Variants in STK33 observed in about 807,000 individuals in gnomAD.
STK33 encodes the protein serine/threonine-protein kinase 33.
In STK33, 52 loss-of-function variants were observed where a neutral mutation model predicts 58.0. That is an observed-to-expected ratio of 0.90 (90% CI 0.72 to 1.13). The LOEUF is 1.13. Among genes scored for constraint, STK33 ranks in the 50% most tolerant of loss-of-function variants. The pLI is 0.00. For missense variants in STK33, 630 were observed against 604.2 expected (o/e 1.04, Z -0.45); for synonymous variants, 215 against 200.1 (o/e 1.07, Z -0.63).
At chr11:8,398,517 G>T (rs1849781394) in intron 15 of STK33, among the ~76,000 whole-genome samples, 2 of 152,142 alleles carry the variant, frequency 1.3e-5, no homozygotes. Context: ...ATGCCAAATT[G>T]TAAAGACCAT....
At chr11:8,356,464 T>A in the STK33 span, among the ~76,000 whole-genome samples, 1 of 151,054 alleles carries the variant, frequency 6.6e-6, no homozygotes, top group Admixed American at 6.6e-5. Flanking sequence ...CATCCTTTCC[T>A]GCGGACAGTG....
At chr11:8,542,717 ATTTAGTTTGCACTTTTTTT>A (rs1435332433) in intron 1 of STK33, among the ~76,000 whole-genome samples, 1 of 151,388 alleles carries the variant, frequency 6.6e-6, no homozygotes, top group East Asian at 2.0e-4. Flanking sequence ...AAATGAAAAG[ATTTAGTTTGCACTTTTTTT>A]TTAAGACACT....
rs188381692 is a variant in STK33 at position 8,478,124 on chromosome 11, T to C, written c.-260-841A>G. Among the ~76,000 whole-genome samples the C allele has an allele frequency of 4.5e-3, 682 of 152,312 alleles. 2 individuals carry two copies. The highest frequency in any genetic ancestry group is 7.7e-3 in the Non-Finnish European group (521 of 67,996). On this transcript the variant is annotated intron_variant, in intron 2 of 15. Coordinates refer to ENST00000687296, the MANE Select transcript of STK33 (RefSeq NM_001352389.2). ...CATTTATTTCTTTCTCATTTACGAA[T>C]TGATCTGAAAGATTTGTTACTAAAA...
chr11:8,520,878 A>G (rs1458864878), intron 1 of STK33, among the ~76,000 whole-genome samples: 1 of 152,182 alleles, frequency 6.6e-6, no homozygotes, highest in Admixed American at 6.5e-5. Context: ...TTCTATGCTC[A>G]TGGATAGGAA....
the STK33 span, among the ~76,000 whole-genome samples, chr11:8,358,383 G>A: frequency 2.6e-5 from 4 of 152,246 alleles, no homozygotes; most frequent in African/African-American, 9.6e-5. Context: ...CGCCTCCAAT[G>A]CATTGGTGAG....
chr11:8,405,894 G>T (rs1466587041), intron 15 of STK33, among the ~76,000 whole-genome samples: 1 of 152,144 alleles, frequency 6.6e-6, no homozygotes, highest in Non-Finnish European at 1.5e-5. Flanking sequence ...TGTAATCCCA[G>T]CACTTTGGGA....
At chr11:8,581,050 C>A (rs913645749) in intron 1 of STK33, 2 of 152,204 alleles carry the variant, frequency 1.3e-5, no homozygotes, top group Non-Finnish European at 2.9e-5. Context: ...CTTGGAAGCT[C>A]AGACTTCTCA....
At chr11:8,468,034 C>T (rs1042713738) in intron 6 of STK33, among the ~76,000 whole-genome samples, 11 of 152,098 alleles carry the variant, frequency 7.2e-5, no homozygotes, top group African/African-American at 2.7e-4. Flanking sequence ...TCCATTTTCA[C>T]ACTGCTGATA....
At chr11:8,367,455 C>T in the STK33 span, among the ~76,000 whole-genome samples, 2 of 152,190 alleles carry the variant, frequency 1.3e-5, no homozygotes, top group Non-Finnish European at 2.9e-5. Context: ...TCTTTAGGTA[C>T]TGAGGTTCTG....
At chr11:8,514,389 T>G (rs982507404) in intron 1 of STK33, among the ~76,000 whole-genome samples, 2 of 152,112 alleles carry the variant, frequency 1.3e-5, no homozygotes, top group Non-Finnish European at 2.9e-5. Flanking sequence ...ATAAAACCAC[T>G]CTATGGGGGA....
intron 11 of STK33, among the ~76,000 whole-genome samples, chr11:8,445,757 T>C (rs1945365313): frequency 6.6e-6 from 1 of 152,242 alleles, no homozygotes; most frequent in Non-Finnish European, 1.5e-5. Flanking sequence ...ATAAGCTTTT[T>C]GATGTGCTGT....
At chr11:8,570,012 T>C (rs1458202578) in intron 1 of STK33, among the ~76,000 whole-genome samples, 2 of 151,808 alleles carry the variant, frequency 1.3e-5, no homozygotes, top group African/African-American at 2.4e-5. Context: ...TGGGAGAAAA[T>C]ATTCACAATA....
At chr11:8,461,784 C>T in intron 8 of STK33, 21 bp downstream of exon 8, 5 of 1,509,552 alleles carry the variant, frequency 3.3e-6, no homozygotes, top group Non-Finnish European at 4.5e-6. Flanking sequence ...TTTCAAAATG[C>T]AGCGCCTAAT....
rs1022457911 is a variant in STK33, at chr11:8,510,750, G to A, written c.-465-30136C>T. Among the ~76,000 whole-genome samples the A allele has an allele frequency of 2.0e-5, 3 of 152,026 alleles. No individual in the cohort carries two copies. In the East Asian group the frequency reaches 5.8e-4, roughly 29 times the overall value. ...GCCAATTTTCCCAGTACCATTCATTGAATATGGTGTCCTTTTCCCAACTTT... is the reference window on the plus strand; with the variant it reads ...GCCAATTTTCCCAGTACCATTCATTAAATATGGTGTCCTTTTCCCAACTTT... On this transcript the variant is annotated intron_variant, in intron 1 of 15. Coordinates refer to ENST00000687296, the MANE Select transcript of STK33 (RefSeq NM_001352389.2).
chr11:8,366,951 G>C, the STK33 span, among the ~76,000 whole-genome samples: 1 of 152,180 alleles, frequency 6.6e-6, no homozygotes, highest in African/African-American at 2.4e-5. Flanking sequence ...ACTTGGGACT[G>C]TACAGTGTGT....
intron 1 of STK33, among the ~76,000 whole-genome samples, chr11:8,544,298 T>TTA (rs1250025210): frequency 1.6e-5 from 2 of 129,016 alleles, no homozygotes; most frequent in East Asian, 2.2e-4. Context: ...AGTGGAAATT[T>TTA]TATATATATA....
the STK33 span, among the ~76,000 whole-genome samples, chr11:8,384,423 G>C: frequency 2.0e-5 from 3 of 152,188 alleles, no homozygotes; most frequent in Non-Finnish European, 4.4e-5. Flanking sequence ...AGGAGTTAGA[G>C]AACACTCTGC....
At chr11:8,574,925 G>GT (rs1164074278) in intron 1 of STK33, among the ~76,000 whole-genome samples, 1 of 151,758 alleles carries the variant, frequency 6.6e-6, no homozygotes, top group East Asian at 1.9e-4. Flanking sequence ...TGCACCTGTA[G>GT]TCCCAGCTAC....
intron 15 of STK33, among the ~76,000 whole-genome samples, chr11:8,393,472 C>A (rs1222427678): frequency 2.0e-5 from 3 of 152,052 alleles, no homozygotes; most frequent in African/African-American, 7.2e-5. Flanking sequence ...GACGTTAGGC[C>A]CATTTTTAAA....
Sources: allele counts gnomAD v4.1 joint callset (sites outside exome capture counted in the v4.1 genomes callset), GRCh38; gene constraint gnomAD v4.1.1; transcripts MANE v1.5; gene names NCBI Gene and HGNC (gene_info 2026-07-23, HGNC 2026-07-21).